ELL3: variants seen among roughly 807,000 people sequenced by gnomAD.
The protein encoded by ELL3 is RNA polymerase II elongation factor ELL3.
A neutral mutation model predicts 58.5 loss-of-function variants in ELL3; 48 were observed. The observed-to-expected ratio is 0.82, with a 90% confidence interval of 0.65 to 1.04. The LOEUF (loss-of-function observed/expected upper bound fraction) is 1.04, where lower values mean the gene tolerates loss of function less well. Ranked by LOEUF, ELL3 falls within the 50% of genes least tolerant of loss-of-function variation. The probability of loss-of-function intolerance (pLI) is 0.00; values close to 1 mark genes in which losing one functional copy is unlikely to be tolerated. For missense variants in ELL3, 458 were observed against 478.4 expected, an observed-to-expected ratio of 0.96 and a Z score of 0.40; for synonymous variants, 174 against 173.2, an observed-to-expected ratio of 1.00 and a Z score of -0.04.
intron 9 of ELL3, among the ~76,000 whole-genome samples, chr15:43,773,722 C>T (rs2086895276): frequency 6.6e-6 from 1 of 151,584 alleles, no homozygotes; most frequent in South Asian, 2.1e-4. Flanking sequence ...GAGAGAGGGG[C>T]CAGGCGCAGT....
At chr15:43,775,414 G>A (rs1294456311) in intron 5 of ELL3, 33 bp from the exon 6 acceptor site, 3 of 1,609,260 alleles carry the variant, frequency 1.9e-6, no homozygotes, top group African/African-American at 1.3e-5. Context: ...GACAGATGAA[G>A]ACCAGGGTAG....
In ELL3 at chr15:43,776,801, A is replaced by T; in HGVS notation, c.101T>A (p.Leu34Gln). The part of the protein sequence containing the change: ...LLLLRLNDAA[L>Q]RALQECQRQQ... The stretch of plus-strand genomic sequence containing the variant: ...CCGCTGACACTCTTGCAGCGCCCGC[A>T]GGGCAGCGTCGTTGAGCCTGAGCAG... The change falls in exon 1 of 11, where the codon CTG becomes CAG. Residue 34 changes from leucine to glutamine, a missense_variant. Coordinates refer to ENST00000319359, the MANE Select transcript of ELL3 (RefSeq NM_025165.3). 1 of 1,610,126 alleles carries T rather than the reference A, an allele frequency of 6.2e-7. No homozygotes were observed. Among genetic ancestry groups the T allele is most frequent in the Non-Finnish European group, 8.5e-7 (1 of 1,177,660 alleles).
Position 43,774,579 on chromosome 15 carries a change from T to G in ELL3, c.823+17A>C. 1.2e-6 allele frequency: 2 copies of G among 1,613,926 alleles called. No individual in the cohort carries two copies. The highest frequency in any genetic ancestry group is 1.7e-6 in the Non-Finnish European group (2 of 1,179,950). On this transcript the variant is annotated intron_variant, in intron 7 of 10. Coordinates refer to ENST00000319359, the MANE Select transcript of ELL3 (RefSeq NM_025165.3). ...GTCTTTTCCACTGGCATTTTTACCC[T>G]CCTCTCATTAACTCACCTTCTTGAA... is the stretch of plus-strand genomic sequence containing the variant.
At position 43,774,485 on chromosome 15, in the gene ELL3, T is replaced by G; in HGVS notation, c.857A>C (p.Asp286Ala). Residue 286 changes from aspartate (D) to alanine (A), a missense_variant, in exon 8 of 11, where the codon GAC becomes GCC. By Grantham distance (126) the Asp-to-Ala change is moderately radical. Coordinates refer to ENST00000319359, the MANE Select transcript of ELL3 (RefSeq NM_025165.3). ...SESPSPEDIPDYLLQYRAIHS... is the reference protein window; with the variant it reads ...SESPSPEDIPAYLLQYRAIHS... ...AAAGCAAGGAACTCACAGGAGGTAG[T>G]CTGGTATATCTTCAGGACTTGGGGA... 6.2e-7 allele frequency: 1 copy of G among 1,614,174 alleles called. No individual in the cohort carries two copies. Among genetic ancestry groups the G allele is most frequent in the South Asian group, 1.1e-5 (1 of 91,080 alleles).
rs1362243112 is a variant in ELL3 at position 43,774,354 on chromosome 15, C to CT, written c.867-2dup. The CT allele has an allele frequency of 3.7e-6, 6 of 1,613,946 alleles. No individual in the cohort carries two copies. The African/African-American group carries it at 6.7e-5, about 18-fold the overall frequency. ...TGCACTGTGGATGGCCCTGTATTGCCTGCCAGGAGCAGAGAGTTGTCACCT... is the reference window on the plus strand; with the variant it reads ...TGCACTGTGGATGGCCCTGTATTGCCTTGCCAGGAGCAGAGAGTTGTCACCT... On this transcript the variant is annotated splice_acceptor_variant, in intron 8 of 10. Transcript: ENST00000319359. LOFTEE classifies it high-confidence loss of function.
Position 43,772,724 on chromosome 15 carries a change from T to A in ELL3, c.*392A>T, listed in dbSNP as rs143012752. 2 of 159,054 alleles carry A rather than the reference T, an allele frequency of 1.3e-5. No individual in the cohort carries two copies. Among genetic ancestry groups the A allele is most frequent in the African/African-American group, 4.8e-5 (2 of 41,838 alleles). 9.9% of individuals were successfully genotyped at this position (159,054 alleles called of 1,614,324 possible). A position where few individuals can be genotyped will look rare whatever the true frequency, so the allele number is the denominator to read the frequency against. On this transcript the variant is annotated 3_prime_UTR_variant, in exon 11 of 11. Transcript: ENST00000319359. ...GTATGCTACAAGTTCTTTTAACTCT[T>A]ATCAGAAGTTATTATTACTGTTTCC...
In ELL3 at chr15:43,773,126, CT is replaced by C. The variant is rs1443928739; in HGVS notation, c.1183del (p.Arg395GlyfsTer26). 1.2e-6 allele frequency: 2 copies of C among 1,607,706 alleles called. No individual in the cohort carries two copies. Among genetic ancestry groups the C allele is most frequent in the Non-Finnish European group, 1.7e-6 (2 of 1,178,146 alleles). On this transcript the variant is annotated frameshift_variant, in exon 11 of 11. Transcript: ENST00000319359. LOFTEE classifies it high-confidence loss of function. ...ATTCCCTTGATAACTTCAGCTGCCCCTGTTCTTTTCCTCAAACTCCAGGATG... is the reference window on the plus strand; with the variant it reads ...ATTCCCTTGATAACTTCAGCTGCCCCGTTCTTTTCCTCAAACTCCAGGATG... ...GLILEFEEKN[R>X]GS
At position 43,776,835 on chromosome 15, in the gene ELL3, T is replaced by C. The variant is rs891055267; in HGVS notation, c.67A>G (p.Ser23Gly). 5 of 1,612,216 alleles carry C rather than the reference T, an allele frequency of 3.1e-6. No homozygotes were observed. In the Admixed American group the frequency reaches 8.4e-5, roughly 27 times the overall value. The change falls in exon 1 of 11, where the codon AGC (serine) becomes GGC (glycine). Residue 23 changes from serine (S) to glycine (G), a missense_variant. Coordinates refer to ENST00000319359, the MANE Select transcript of ELL3 (RefSeq NM_025165.3). ...RLCFTQAARTSLLLLRLNDAA... is the reference protein window; with the variant it reads ...RLCFTQAARTGLLLLRLNDAA... The stretch of plus-strand genomic sequence containing the variant: ...TCGTTGAGCCTGAGCAGTAAGAGGC[T>C]AGTCCGGGCAGCTTGCGTGAAGCAG...
rs755314954 is a variant in ELL3 at position 43,773,209 on chromosome 15, T to C, written c.1101A>G (p.Arg367=). The change falls in exon 11 of 11, where the codon AGA becomes AGG. Residue 367 remains arginine (R), a synonymous_variant. Transcript: ENST00000319359. ...GGTACTCACAGCGACGCTTTTCTTC[T>C]CTGTAACTTGGGTACTGCTGCAGAG... ...KKFRKQYPSY[R]EEKRRCEYLH... The C allele has an allele frequency of 6.2e-7, 1 of 1,613,870 alleles. No homozygotes were observed. Among genetic ancestry groups the C allele is most frequent in the Admixed American group, 1.7e-5 (1 of 59,916 alleles).
chr15:43,775,994 C>A (rs368047550), intron 3 of ELL3, 45 bp downstream of exon 3: 31 of 1,612,038 alleles, frequency 1.9e-5, no homozygotes, highest in African/African-American at 5.3e-5. Context: ...TTCCCTCCCC[C>A]ACTTTCCACA....
Position 43,776,908 on chromosome 15 carries a change from G to A in ELL3, c.-7C>T. 1 of 1,609,528 alleles carries A rather than the reference G, an allele frequency of 6.2e-7. No homozygotes were observed. Among genetic ancestry groups the A allele is most frequent in the Non-Finnish European group, 8.5e-7 (1 of 1,179,760 alleles). On this transcript the variant is annotated 5_prime_UTR_variant, in exon 1 of 11. Coordinates refer to ENST00000319359, the MANE Select transcript of ELL3 (RefSeq NM_025165.3). Reference sequence around the variant, plus strand: ...GCTCCTGGAGCTCCTCCATGGCGACGAGTTCGAGTGCAAGCAGCACGGGGG... The same window carrying A: ...GCTCCTGGAGCTCCTCCATGGCGACAAGTTCGAGTGCAAGCAGCACGGGGG...
chr15:43,776,404 C>T, intron 2 of ELL3, 105 bp downstream of exon 2: 1 of 1,514,910 alleles, frequency 6.6e-7, no homozygotes, highest in Non-Finnish European at 9.0e-7. Flanking sequence ...CTACCTCAGA[C>T]CGTGACTACT....
intron 2 of ELL3, 56 bp from the exon 3 acceptor site, chr15:43,776,207 G>A: frequency 1.4e-6 from 2 of 1,479,474 alleles, no homozygotes; most frequent in Admixed American, 1.8e-5. Context: ...CCCTCCTGCC[G>A]CCGCCACTCG....
intron 9 of ELL3, among the ~76,000 whole-genome samples, chr15:43,773,575 C>G (rs1031621821): frequency 2.6e-5 from 4 of 151,846 alleles, no homozygotes; most frequent in African/African-American, 9.7e-5. Context: ...GTCTCAGCTG[C>G]TCGGGAGGCT....
At chr15:43,774,886 C>A in intron 6 of ELL3, 113 bp from the exon 7 acceptor site, 1 of 1,192,432 alleles carries the variant, frequency 8.4e-7, no homozygotes. Context: ...TAATCCTGAC[C>A]GTTTCAGAGG....
In ELL3 at chr15:43,774,132, G is replaced by A. The variant is rs540309778; in HGVS notation, c.1038+50C>T. 6.3e-6 allele frequency: 10 copies of A among 1,597,428 alleles called. No homozygotes were observed. In the African/African-American group the frequency reaches 9.4e-5, roughly 15 times the overall value. On this transcript the variant is annotated intron_variant, in intron 9 of 10. Transcript: ENST00000319359. ...ACACAGGTGTATGGATGGTTAGCAG[G>A]GGGTTAATGGCCAGTAGAGCTGGAA...
rs767299656 is a variant in ELL3, at chr15:43,776,074, A to G, written c.246T>C (p.Gly82=). ...IVSQCCQEGA[G]GSLDLVCQRF... The stretch of plus-strand genomic sequence containing the variant: ...GTTGGCACACAAGGTCCAAGCTACC[A>G]CCAGCGCCCTCCTGACAACACTGGG... The change falls in exon 3 of 11, where the codon GGT becomes GGC. Residue 82 remains glycine, a synonymous_variant. Transcript: ENST00000319359. 1 of 1,614,140 alleles carries G rather than the reference A, an allele frequency of 6.2e-7. No homozygotes were observed. The highest frequency in any genetic ancestry group is 8.5e-7 in the Non-Finnish European group (1 of 1,180,030).
Position 43,775,797 on chromosome 15 carries a change from A to ATGTCTGGCATCTTCAGTCAGGT in ELL3, c.386_407dup (p.His136GlnfsTer4). On this transcript the variant is annotated stop_gained and frameshift_variant, in exon 4 of 11. Transcript: ENST00000319359. LOFTEE classifies it high-confidence loss of function. Reference sequence around the variant, plus strand: ...CTCCTGTGTTCTGCCAACTCTCAGGATGTCTGGCATCTTCAGTCAGGTTGT... The same window carrying ATGTCTGGCATCTTCAGTCAGGT: ...CTCCTGTGTTCTGCCAACTCTCAGGATGTCTGGCATCTTCAGTCAGGTTGTCTGGCATCTTCAGTCAGGTTGT... 1 of 1,614,090 alleles carries ATGTCTGGCATCTTCAGTCAGGT rather than the reference A, an allele frequency of 6.2e-7. No individual in the cohort carries two copies. Among genetic ancestry groups the ATGTCTGGCATCTTCAGTCAGGT allele is most frequent in the East Asian group, 2.2e-5 (1 of 44,888 alleles).
At position 43,774,276 on chromosome 15, in the gene ELL3, C is replaced by T. The variant is rs371545209; in HGVS notation, c.944G>A (p.Arg315His). 49 of 1,614,016 alleles carry T rather than the reference C, an allele frequency of 3.0e-5. 1 individual carries two copies. The highest frequency in any genetic ancestry group is 2.1e-4 in the African/African-American group (16 of 74,914). Residue 315 changes from arginine (R) to histidine (H), a missense_variant, in exon 9 of 11, where the codon CGC becomes CAC. Coordinates refer to ENST00000319359, the MANE Select transcript of ELL3 (RefSeq NM_025165.3). ...QDFETDYAEY[R>H]ILHARVGTAS... ...AGTCCCAACACGGGCATGCAGGATGCGGTATTCAGCATAATCTGTCTCAAA... is the reference window on the plus strand; with the variant it reads ...AGTCCCAACACGGGCATGCAGGATGTGGTATTCAGCATAATCTGTCTCAAA...
Sources: allele counts gnomAD v4.1 joint callset (sites outside exome capture counted in the v4.1 genomes callset), GRCh38; gene constraint gnomAD v4.1.1; transcripts MANE v1.5; gene names NCBI Gene and HGNC (gene_info 2026-07-23, HGNC 2026-07-21).